The following MTERF1 variants were observed in gnomAD, a reference collection of about 807,000 sequenced individuals.
The protein encoded by MTERF1 is mitochondrial transcription termination factor 1.
MTERF1 carries 29 observed loss-of-function variants against 31.6 expected under a neutral mutation model. The ratio of observed to expected loss-of-function variants is 0.92; its 90% CI spans 0.68 to 1.25. The LOEUF (loss-of-function observed/expected upper bound fraction) is 1.25, where lower values mean the gene tolerates loss of function less well. MTERF1 is among the 50% of genes most tolerant of loss of function. The pLI is 0.00. For synonymous variants in MTERF1, 152 were observed against 164.1 expected (o/e 0.93, Z 0.57); for missense variants, 500 against 469.1 (o/e 1.07, Z -0.61).
intron 2 of MTERF1, among the ~76,000 whole-genome samples, chr7:91,877,637 T>C (rs1429736695): frequency 6.6e-6 from 1 of 152,198 alleles, no homozygotes; most frequent in Non-Finnish European, 1.5e-5. Flanking sequence ...TCGCTACTCT[T>C]TGTAATTCTC....
At position 91,871,857 on chromosome 7, in the gene MTERF1, T is replaced by C. The variant is rs1789190560; in HGVS notation, c.*1737A>G. 1 of 152,234 alleles carries C rather than the reference T, an allele frequency of 6.6e-6. No homozygotes were observed. Among genetic ancestry groups the C allele is most frequent in the South Asian group, 2.1e-4 (1 of 4,832 alleles). The allele number at this position is 152,234 out of a possible 1,614,324, so 9.4% of individuals were successfully genotyped here. ...AATTTAATCCCCAATGTGGCAGTAT[T>C]GAGAGGTGGGGCCTTTAAGAGGTGA... On this transcript the variant is annotated 3_prime_UTR_variant, in exon 3 of 3. Transcript: ENST00000351870.
At chr7:91,878,442 C>G (rs924002665) in intron 2 of MTERF1, among the ~76,000 whole-genome samples, 3 of 152,156 alleles carry the variant, frequency 2.0e-5, no homozygotes, top group African/African-American at 7.2e-5. Context: ...AGGAAATTCT[C>G]AAATATTGTT....
chr7:91,875,180 G>C (rs1189062644), intron 2 of MTERF1, among the ~76,000 whole-genome samples: 3 of 151,940 alleles, frequency 2.0e-5, no homozygotes. Flanking sequence ...TGCTCTTTTT[G>C]TTTACCTTTG....
rs575219001 is a variant in MTERF1, at chr7:91,873,148, G to C, written c.*446C>G. 2 of 154,052 alleles carry C rather than the reference G, an allele frequency of 1.3e-5. No individual in the cohort carries two copies. Among genetic ancestry groups the C allele is most frequent in the East Asian group, 1.9e-4 (1 of 5,212 alleles). 9.5% of individuals were successfully genotyped at this position (154,052 alleles called of 1,614,324 possible). ...TCTTCAGCAAATTATCACTGACTCAGTGGTTTAAAACAACACAAATTTACC... is the reference window on the plus strand; with the variant it reads ...TCTTCAGCAAATTATCACTGACTCACTGGTTTAAAACAACACAAATTTACC... On this transcript the variant is annotated 3_prime_UTR_variant, in exon 3 of 3. Coordinates refer to ENST00000351870, the MANE Select transcript of MTERF1 (RefSeq NM_006980.5).
chr7:91,876,368 T>C (rs1789347206), intron 2 of MTERF1, among the ~76,000 whole-genome samples: 2 of 152,260 alleles, frequency 1.3e-5, no homozygotes, highest in Non-Finnish European at 2.9e-5. Context: ...AAGTTCGTGC[T>C]TGATTTCTAA....
Position 91,874,371 on chromosome 7 carries a change from T to C in MTERF1, c.423A>G (p.Lys141=), listed in dbSNP as rs1338556734. The C allele has an allele frequency of 6.2e-7, 1 of 1,614,166 alleles. No individual in the cohort carries two copies. The highest frequency in any genetic ancestry group is 1.3e-5 in the African/African-American group (1 of 75,062). The change falls in exon 3 of 3, where the codon AAA becomes AAG. Residue 141 remains lysine, a synonymous_variant. Transcript: ENST00000351870. ...AITRTPENLS[K]RWDLWRKIVT... is the part of the protein sequence containing the mutation. ...CAATCTTTCTCCACAGATCCCACCGTTTTGAAAGATTCTCGGGAGTACGTG... is the reference window on the plus strand; with the variant it reads ...CAATCTTTCTCCACAGATCCCACCGCTTTGAAAGATTCTCGGGAGTACGTG...
In MTERF1 at chr7:91,874,261, T is replaced by C. The variant is rs778063867; in HGVS notation, c.533A>G (p.Asn178Ser). 66 of 1,613,950 alleles carry C rather than the reference T, an allele frequency of 4.1e-5. No individual in the cohort carries two copies. The highest frequency in any genetic ancestry group is 5.3e-5 in the Non-Finnish European group (62 of 1,180,002). Residue 178 changes from asparagine to serine, a missense_variant, in exon 3 of 3, where the codon AAT becomes AGT. Physicochemically the swap from Asn to Ser is conservative, Grantham distance 46. Coordinates refer to ENST00000351870, the MANE Select transcript of MTERF1 (RefSeq NM_006980.5). Reference sequence around the variant, plus strand: ...AACTGAGTAGAGGAACTTTATATTATTCTCTAAGTTTAGGTTGTTATTGGA... The same window carrying C: ...AACTGAGTAGAGGAACTTTATATTACTCTCTAAGTTTAGGTTGTTATTGGA... ...FRSNNNLNLE[N>S]NIKFLYSVGL...
intron 2 of MTERF1, among the ~76,000 whole-genome samples, chr7:91,877,380 T>C (rs886997092): frequency 1.3e-5 from 2 of 152,050 alleles, no homozygotes; most frequent in Admixed American, 6.5e-5. Context: ...GTAAATTTCA[T>C]GTCTTGTGTA....
chr7:91,872,338 G>A lies in MTERF1; in HGVS notation c.*1256C>T, dbSNP rs1437104729. On this transcript the variant is annotated 3_prime_UTR_variant, in exon 3 of 3. Transcript: ENST00000351870. ...TTACTATGTGCAAGAAACCTTAGAG[G>A]TGCTTTTTCATTTGATTCCTACCAA... 6.6e-6 allele frequency: 1 copy of A among 152,144 alleles called. No homozygotes were observed. Among genetic ancestry groups the A allele is most frequent in the Admixed American group, 6.5e-5 (1 of 15,272 alleles). 9.4% of individuals were successfully genotyped at this position (152,144 alleles called of 1,614,324 possible).
rs1023390241 is a variant in MTERF1, at chr7:91,873,235, C to G, written c.*359G>C. Reference sequence around the variant, plus strand: ...TCTCACTGGGCTAAAAAGGTGCCAGCAAGGCTGCATTCCTTTCTGGGGACT... The same window carrying G: ...TCTCACTGGGCTAAAAAGGTGCCAGGAAGGCTGCATTCCTTTCTGGGGACT... On this transcript the variant is annotated 3_prime_UTR_variant, in exon 3 of 3. Coordinates refer to ENST00000351870, the MANE Select transcript of MTERF1 (RefSeq NM_006980.5). The G allele has an allele frequency of 5.9e-6, 1 of 169,172 alleles. No homozygotes were observed. The highest frequency in any genetic ancestry group is 1.8e-4 in the South Asian group (1 of 5,544). 10.5% of individuals were successfully genotyped at this position (169,172 alleles called of 1,614,324 possible). A position where few individuals can be genotyped will look rare whatever the true frequency, so the allele number is the denominator to read the frequency against.
intron 1 of MTERF1, 189 bp downstream of exon 1, chr7:91,880,468 A>G (rs1404226405): frequency 4.6e-6 from 1 of 219,150 alleles, no homozygotes; most frequent in African/African-American, 2.3e-5. Flanking sequence ...TAGCTGAAGC[A>G]TTAGGGTTCG....
rs1789296004 is a variant in MTERF1, at chr7:91,874,646, A to AACT, written c.147_148insAGT (p.Ile49_Phe50insSer). 1 of 1,614,014 alleles carries AACT rather than the reference A, an allele frequency of 6.2e-7. No individual in the cohort carries two copies. The highest frequency in any genetic ancestry group is 1.3e-5 in the African/African-American group (1 of 74,940). ...AAAAGCCTAAATGAAACTGATTTGA[A>AACT]GATGTTTTCTGCTGAAAATCGAGTC... On this transcript the variant is annotated inframe_insertion, in exon 3 of 3. Coordinates refer to ENST00000351870, the MANE Select transcript of MTERF1 (RefSeq NM_006980.5).
intron 2 of MTERF1, among the ~76,000 whole-genome samples, chr7:91,879,363 T>A (rs1789437895): frequency 6.6e-6 from 1 of 152,038 alleles, no homozygotes; most frequent in African/African-American, 2.4e-5. Flanking sequence ...CTTAACAGTA[T>A]GGATAATGCC....
In MTERF1 at chr7:91,878,402, T is replaced by C. The variant is rs192290163; in HGVS notation, c.29+1653A>G. Among the ~76,000 whole-genome samples the C allele has an allele frequency of 1.3e-3, 202 of 152,348 alleles. 2 individuals carry two copies. Among genetic ancestry groups the C allele is most frequent in the Admixed American group, 1.5e-3 (23 of 15,298 alleles). ...AACTTAGAAACAGTAATTAATAATA[T>C]TGACTGTTAATGAACATATGAGGAA... On this transcript the variant is annotated intron_variant, in intron 2 of 2. Coordinates refer to ENST00000351870, the MANE Select transcript of MTERF1 (RefSeq NM_006980.5).
At chr7:91,879,658 C>T (rs1194870593) in intron 2 of MTERF1, among the ~76,000 whole-genome samples, 2 of 152,078 alleles carry the variant, frequency 1.3e-5, no homozygotes, top group Non-Finnish European at 2.9e-5. Context: ...TTACTCTTAG[C>T]AACGGATCTC....
At position 91,874,405 on chromosome 7, in the gene MTERF1, C is replaced by T. The variant is rs752117598; in HGVS notation, c.389G>A (p.Arg130Gln). The T allele has an allele frequency of 6.2e-6, 10 of 1,613,956 alleles. No individual in the cohort carries two copies. In the East Asian group the frequency reaches 6.7e-5, roughly 11 times the overall value. ...ATTCTCGGGAGTACGTGTTATTGCTCGTGGATATCTTGATATGATGCTAGC... is the reference window on the plus strand; with the variant it reads ...ATTCTCGGGAGTACGTGTTATTGCTTGTGGATATCTTGATATGATGCTAGC... ...VIASIISRYPRAITRTPENLS... is the reference protein window; with the variant it reads ...VIASIISRYPQAITRTPENLS... Residue 130 changes from arginine to glutamine, a missense_variant, in exon 3 of 3, where the codon CGA becomes CAA. Arg to Gln is a conservative substitution (Grantham distance 43). Coordinates refer to ENST00000351870, the MANE Select transcript of MTERF1 (RefSeq NM_006980.5).
intron 1 of MTERF1, chr7:91,880,332 A>C: frequency 2.0e-6 from 1 of 507,808 alleles, no homozygotes; most frequent in Non-Finnish European, 3.5e-6. Flanking sequence ...TACGTTTTGT[A>C]CCAAAGCTAA....
At position 91,873,485 on chromosome 7, in the gene MTERF1, C is replaced by A. The variant is rs1789234977; in HGVS notation, c.*109G>T. 4.3e-6 allele frequency: 4 copies of A among 928,528 alleles called. No homozygotes were observed. Among genetic ancestry groups the A allele is most frequent in the Non-Finnish European group, 6.3e-6 (4 of 634,346 alleles). The allele number at this position is 928,528 out of a possible 1,614,324, so 57.5% of individuals were successfully genotyped here. Reference sequence around the variant, plus strand: ...CTCCAAAGTAATTCAGGATAATCTCCCCATCTCAAGGCCCTTAATAACATT... The same window carrying A: ...CTCCAAAGTAATTCAGGATAATCTCACCATCTCAAGGCCCTTAATAACATT... On this transcript the variant is annotated 3_prime_UTR_variant, in exon 3 of 3. Coordinates refer to ENST00000351870, the MANE Select transcript of MTERF1 (RefSeq NM_006980.5).
intron 2 of MTERF1, among the ~76,000 whole-genome samples, chr7:91,878,585 A>C (rs1789406373): frequency 6.6e-6 from 1 of 152,226 alleles, no homozygotes; most frequent in Admixed American, 6.5e-5. Context: ...CTGTAATGCC[A>C]GCATTTTGGA....
Sources: allele counts gnomAD v4.1 joint callset (sites outside exome capture counted in the v4.1 genomes callset), GRCh38; gene constraint gnomAD v4.1.1; transcripts MANE v1.5; gene names NCBI Gene and HGNC (gene_info 2026-07-23, HGNC 2026-07-21).